SPINT1: variants seen among roughly 807,000 people sequenced by gnomAD.
SPINT1 encodes the protein serine peptidase inhibitor, Kunitz type 1, also known as kunitz-type protease inhibitor 1.
SPINT1 carries 38 observed loss-of-function variants against 53.7 expected under a neutral mutation model. That is an observed-to-expected ratio of 0.71 (90% CI 0.55 to 0.93). The LOEUF is 0.93. Ranked by LOEUF, SPINT1 falls within the 40% of genes least tolerant of loss-of-function variation. The pLI is 0.00. For missense variants in SPINT1, 645 were observed against 692.9 expected, an observed-to-expected ratio of 0.93 and a Z score of 0.78; for synonymous variants, 283 against 280.6, an observed-to-expected ratio of 1.01 and a Z score of -0.08.
Position 40,856,899 on chromosome 15 carries a change from C to G in SPINT1, c.1466C>G (p.Thr489Ser). Residue 489 changes from threonine (T) to serine (S), a missense_variant, in exon 11 of 11, where the codon ACC (threonine) becomes AGC (serine). Coordinates refer to ENST00000562057, the MANE Select transcript of SPINT1 (RefSeq NM_003710.4). ...FHGHHHHPPP[T>S]PASSTVSTTE... is the part of the protein sequence containing the mutation. ...GGACACCACCACCACCCACCACCCA[C>G]CCCTGCCAGCTCCACTGTCTCCACT... The G allele has an allele frequency of 6.2e-7, 1 of 1,614,174 alleles. No homozygotes were observed. Among genetic ancestry groups the G allele is most frequent in the Non-Finnish European group, 8.5e-7 (1 of 1,180,024 alleles).
At chr15:40,849,045 G>C (rs1420872781) in intron 2 of SPINT1, among the ~76,000 whole-genome samples, 1 of 151,808 alleles carries the variant, frequency 6.6e-6, no homozygotes, top group Non-Finnish European at 1.5e-5. Flanking sequence ...GGGAGATTGA[G>C]ACCATCCTGG....
chr15:40,855,854 A>G (rs967714139), intron 8 of SPINT1, 38 bp from the exon 9 acceptor site: 9 of 1,584,010 alleles, frequency 5.7e-6, no homozygotes, highest in Non-Finnish European at 7.8e-6. Context: ...CAGGGAGGCC[A>G]TGGACTCGCT....
chr15:40,845,384 G>C (rs1169274865), intron 2 of SPINT1, among the ~76,000 whole-genome samples: 1 of 132,010 alleles, frequency 7.6e-6, no homozygotes, highest in East Asian at 2.2e-4. Context: ...TGGCCAGGCT[G>C]GTCTTGAACT....
chr15:40,847,271 G>C (rs1891323371), intron 2 of SPINT1, among the ~76,000 whole-genome samples: 1 of 152,156 alleles, frequency 6.6e-6, no homozygotes, highest in African/African-American at 2.4e-5. Context: ...TGTGTCAAGG[G>C]GTTTATTCTC....
In SPINT1 at chr15:40,853,544, TC is replaced by T; in HGVS notation, c.661del (p.Gln221SerfsTer2). The T allele has an allele frequency of 6.2e-7, 1 of 1,614,084 alleles. No homozygotes were observed. The highest frequency in any genetic ancestry group is 8.5e-7 in the Non-Finnish European group (1 of 1,179,986). ...LWGLKEGTYL[F>X]QLTVTSSDHP... ...GGACTCAAGGAAGGCACCTACCTGT[TC>T]CAGCTGACAGTGACTAGCTCAGACC... On this transcript the variant is annotated frameshift_variant, in exon 4 of 11. Coordinates refer to ENST00000562057, the MANE Select transcript of SPINT1 (RefSeq NM_003710.4). LOFTEE classifies it high-confidence loss of function.
chr15:40,855,890 A>G lies in SPINT1; in HGVS notation c.1118-2A>G, dbSNP rs1332271056. The stretch of plus-strand genomic sequence containing the variant: ...CACCATAGCCTACCCCATACCCCCC[A>G]GGGCACTGCGTGGACCTGCCAGACA... On this transcript the variant is annotated splice_acceptor_variant, in intron 8 of 10. Coordinates refer to ENST00000562057, the MANE Select transcript of SPINT1 (RefSeq NM_003710.4). LOFTEE classifies it high-confidence loss of function. The G allele has an allele frequency of 6.2e-7, 1 of 1,613,616 alleles. No individual in the cohort carries two copies. The highest frequency in any genetic ancestry group is 8.5e-7 in the Non-Finnish European group (1 of 1,179,660).
chr15:40,853,698 C>T lies in SPINT1; in HGVS notation c.743-13C>T. On this transcript the variant is annotated splice_polypyrimidine_tract_variant and intron_variant, in intron 4 of 10. Transcript: ENST00000562057. ...ATTGGCCGCACGGTCCCCTCATAAG[C>T]TCTCCCCCCTAGACTACTGCCTCGC... 1.2e-6 allele frequency: 2 copies of T among 1,614,056 alleles called. No individual in the cohort carries two copies. Among genetic ancestry groups the T allele is most frequent in the Non-Finnish European group, 8.5e-7 (1 of 1,179,912 alleles).
chr15:40,856,126 G>A (rs1231914293), intron 9 of SPINT1, 64 bp downstream of exon 9: 46 of 1,601,546 alleles, frequency 2.9e-5, no homozygotes, highest in Non-Finnish European at 3.8e-5. Flanking sequence ...CCTCCACTCT[G>A]TCCCCAGGCC....
chr15:40,844,649 G>A lies in SPINT1; in HGVS notation c.95G>A (p.Gly32Asp). 1 of 1,605,912 alleles carries A rather than the reference G, an allele frequency of 6.2e-7. No homozygotes were observed. Among genetic ancestry groups the A allele is most frequent in the Non-Finnish European group, 8.5e-7 (1 of 1,176,598 alleles). ...LWLLCTLGLQGTQAGPPPAPP... is the reference protein window; with the variant it reads ...LWLLCTLGLQDTQAGPPPAPP... The stretch of plus-strand genomic sequence containing the variant: ...CTTCTGTGCACGCTCGGCCTCCAGG[G>A]CACCCAGGCCGGGCCACCGCCCGCG... Residue 32 changes from glycine (G) to aspartate (D), a missense_variant, in exon 2 of 11, where the codon GGC becomes GAC. By Grantham distance (94) the Gly-to-Asp change is moderately conservative (BLOSUM62 -1). Transcript: ENST00000562057. The surrounding 1 kb of genome is among the most constrained non-coding windows in gnomAD (Gnocchi z 5.8).
rs752042615 is a variant in SPINT1 at position 40,853,707 on chromosome 15, C to T, written c.743-4C>T. 24 of 1,614,068 alleles carry T rather than the reference C, an allele frequency of 1.5e-5. No homozygotes were observed. The highest frequency in any genetic ancestry group is 1.6e-4 in the Middle Eastern group (1 of 6,062). ...ACGGTCCCCTCATAAGCTCTCCCCCCTAGACTACTGCCTCGCATCCAACAA... is the reference window on the plus strand; with the variant it reads ...ACGGTCCCCTCATAAGCTCTCCCCCTTAGACTACTGCCTCGCATCCAACAA... On this transcript the variant is annotated splice_region_variant and splice_polypyrimidine_tract_variant and intron_variant, in intron 4 of 10. Coordinates refer to ENST00000562057, the MANE Select transcript of SPINT1 (RefSeq NM_003710.4).
Position 40,854,621 on chromosome 15 carries a change from G to A in SPINT1, c.1067-18G>A. On this transcript the variant is annotated intron_variant, in intron 7 of 10. Coordinates refer to ENST00000562057, the MANE Select transcript of SPINT1 (RefSeq NM_003710.4). Reference sequence around the variant, plus strand: ...AGACCCTTGTTGGGTCTGAGACTCTGACCTTTCCTCTCTGCAGACACGAGT... The same window carrying A: ...AGACCCTTGTTGGGTCTGAGACTCTAACCTTTCCTCTCTGCAGACACGAGT... 6.2e-7 allele frequency: 1 copy of A among 1,614,206 alleles called. No homozygotes were observed.
chr15:40,854,759 G>T, intron 8 of SPINT1, 70 bp downstream of exon 8: 1 of 1,597,950 alleles, frequency 6.3e-7, no homozygotes, highest in Non-Finnish European at 8.6e-7. Flanking sequence ...TTTCCATCCA[G>T]CAGTGCCTGA....
At position 40,856,923 on chromosome 15, in the gene SPINT1, C is replaced by T. The variant is rs1335647091; in HGVS notation, c.1490C>T (p.Thr497Ile). 1 of 1,614,234 alleles carries T rather than the reference C, an allele frequency of 6.2e-7. No homozygotes were observed. The highest frequency in any genetic ancestry group is 1.1e-5 in the South Asian group (1 of 91,088). The change falls in exon 11 of 11, where the codon ACT (threonine) becomes ATT (isoleucine). Residue 497 changes from threonine to isoleucine, a missense_variant. By Grantham distance (89) the Thr-to-Ile change is moderately conservative (BLOSUM62 -1). Coordinates refer to ENST00000562057, the MANE Select transcript of SPINT1 (RefSeq NM_003710.4). ...PPTPASSTVS[T>I]TEDTEHLVYN... The stretch of plus-strand genomic sequence containing the variant: ...ACCCCTGCCAGCTCCACTGTCTCCA[C>T]TACCGAGGACACGGAGCACCTGGTC...
intron 2 of SPINT1, among the ~76,000 whole-genome samples, chr15:40,852,874 TAAA>T (rs368479599): frequency 9.0e-6 from 1 of 111,698 alleles, no homozygotes. Flanking sequence ...CCATCTCTAA[TAAA>T]AAAAAAAAAA....
At chr15:40,851,095 C>T (rs1891441017) in intron 2 of SPINT1, among the ~76,000 whole-genome samples, 1 of 152,184 alleles carries the variant, frequency 6.6e-6, no homozygotes, top group African/African-American at 2.4e-5. Flanking sequence ...GCCCAGCGAA[C>T]TGGCCTTGCA....
chr15:40,854,097 C>G lies in SPINT1; in HGVS notation c.940+11C>G. On this transcript the variant is annotated intron_variant, in intron 6 of 10. Coordinates refer to ENST00000562057, the MANE Select transcript of SPINT1 (RefSeq NM_003710.4). Reference sequence around the variant, plus strand: ...AAAGGCGCCATCCAGGTGGGCTTTACTCCCCTCCCCATCCCCCATCCCCAC... The same window carrying G: ...AAAGGCGCCATCCAGGTGGGCTTTAGTCCCCTCCCCATCCCCCATCCCCAC... 1.3e-6 allele frequency: 2 copies of G among 1,535,252 alleles called. No homozygotes were observed. The highest frequency in any genetic ancestry group is 1.7e-6 in the Non-Finnish European group (2 of 1,143,814).
At chr15:40,856,714 G>A in intron 10 of SPINT1, 56 bp from the exon 11 acceptor site, 1 of 1,606,738 alleles carries the variant, frequency 6.2e-7, no homozygotes, top group Non-Finnish European at 8.5e-7. Flanking sequence ...ATTGGGGGTG[G>A]GTGTCAGAAC....
At chr15:40,854,588 C>T (rs369006639) in intron 7 of SPINT1, 51 bp from the exon 8 acceptor site, 6 of 1,614,158 alleles carry the variant, frequency 3.7e-6, no homozygotes, top group Non-Finnish European at 5.1e-6. Context: ...TTGCCCTGAA[C>T]CCCTGGGAGA....
At chr15:40,849,057 T>C (rs1390524080) in intron 2 of SPINT1, among the ~76,000 whole-genome samples, 7 of 151,770 alleles carry the variant, frequency 4.6e-5, no homozygotes, top group Admixed American at 2.0e-4. Context: ...CCATCCTGGC[T>C]AACACGGTGA....
Sources: gnomAD v4.1 joint callset for allele counts (sites outside exome capture counted in the v4.1 genomes callset) on GRCh38, gnomAD v4.1.1 for gene constraint, Gnocchi (gnomAD v3.1) non-coding constraint, MANE v1.5 for transcripts, NCBI Gene and HGNC (gene_info 2026-07-23, HGNC 2026-07-21) for gene names.